The following PDE4D variants were observed in gnomAD, a reference collection of about 807,000 sequenced individuals.
The protein encoded by PDE4D is 3',5'-cyclic-AMP phosphodiesterase 4D.
A neutral mutation model predicts 87.4 loss-of-function variants in PDE4D; 24 were observed. The ratio of observed to expected loss-of-function variants is 0.27; its 90% confidence interval spans 0.20 to 0.39. The LOEUF (loss-of-function observed/expected upper bound fraction) is 0.39. Among genes scored for constraint, PDE4D ranks in the 10% least tolerant of loss-of-function variants. The probability of loss-of-function intolerance (pLI) is 1.00; values close to 1 mark genes in which losing one functional copy is unlikely to be tolerated. For synonymous variants in PDE4D, 384 were observed against 383.2 expected (o/e 1.00, Z -0.02); for missense variants, 714 against 1,041.0 (o/e 0.69, Z 4.32).
rs147068672 is a variant in PDE4D at position 59,104,362 on chromosome 5, G to GT, written c.809-65392dup. Among the ~76,000 whole-genome samples the GT allele has an allele frequency of 7.1e-3, 1,077 of 152,306 alleles. 14 individuals are homozygous for GT. Among genetic ancestry groups the GT allele is most frequent in the African/African-American group, 0.024 (1,009 of 41,572 alleles). ...AATTTACCAAAGTCACACAGTAAGC[G>GT]TTGGATAACCAAGGTCCATCTTACT... On this transcript the variant is annotated intron_variant, in intron 5 of 14. Transcript: ENST00000340635.
rs574039338 is a variant in PDE4D, at chr5:59,973,187, T to C, written c.272+15301A>G. ...ATAGATGAATTTGTATGAATGAAAT[T>C]GTAAATAAATAATAAATTTTAATGT... On this transcript the variant is annotated intron_variant, in intron 3 of 16. Transcript: ENST00000502484. 8.5e-5 allele frequency among the ~76,000 whole-genome samples: 13 copies of C among 152,346 alleles called. 3 individuals are homozygous for C. The highest frequency in any genetic ancestry group is 3.1e-4 in the African/African-American group (13 of 41,588).
chr5:60,378,198 A>T (rs543546856), intron 1 of PDE4D, among the ~76,000 whole-genome samples: 1 of 152,332 alleles, frequency 6.6e-6, no homozygotes, highest in Non-Finnish European at 1.5e-5. Context: ...TAAATTAATA[A>T]GAATATTTCA....
intron 1 of PDE4D, among the ~76,000 whole-genome samples, chr5:59,341,381 C>T (rs1778694119): frequency 6.6e-6 from 1 of 152,092 alleles, no homozygotes; most frequent in African/African-American, 2.4e-5. Flanking sequence ...TCAAATTACT[C>T]CCTGTCATGA....
intron 1 of PDE4D, among the ~76,000 whole-genome samples, chr5:60,487,008 T>C (rs1200410130): frequency 6.6e-6 from 1 of 152,172 alleles, no homozygotes; most frequent in Non-Finnish European, 1.5e-5. Context: ...CTAGGGGAAA[T>C]CAATAATGAT....
At chr5:59,441,562 T>C (rs1418079187) in intron 1 of PDE4D, among the ~76,000 whole-genome samples, 1 of 152,200 alleles carries the variant, frequency 6.6e-6, no homozygotes, top group Non-Finnish European at 1.5e-5. Flanking sequence ...TTGCTCCTTG[T>C]TGATTTCCTC....
chr5:59,405,783 T>C (rs1333595192), intron 1 of PDE4D, among the ~76,000 whole-genome samples: 1 of 152,218 alleles, frequency 6.6e-6, no homozygotes, highest in Non-Finnish European at 1.5e-5. Flanking sequence ...CCAGCATAAA[T>C]TGAAATGATC....
chr5:59,528,976 A>G lies in PDE4D; in HGVS notation c.456-313008T>C, dbSNP rs140692742. 916 of 455,042 alleles carry G rather than the reference A, an allele frequency of 2.0e-3. 25 individuals are homozygous for G. In the East Asian group the frequency reaches 0.048, roughly 24 times the overall value. 28.2% of individuals were successfully genotyped at this position (455,042 alleles called of 1,614,324 possible). A position where few individuals can be genotyped will look rare whatever the true frequency, so the allele number is the denominator to read the frequency against. ...GCAGATGCAAGCTGAACGGTTGGCC[A>G]TAAGAGCCCAGCTGAAACAAGAGTA... On this transcript the variant is annotated intron_variant, in intron 1 of 14. Transcript: ENST00000340635.
At chr5:59,402,707 A>G (rs1013855303) in intron 1 of PDE4D, among the ~76,000 whole-genome samples, 8 of 152,206 alleles carry the variant, frequency 5.3e-5, no homozygotes, top group Admixed American at 1.3e-4. Flanking sequence ...CACACCCCAA[A>G]TTGTATGCAC....
chr5:59,865,300 A>G (rs1746853474), intron 1 of PDE4D, among the ~76,000 whole-genome samples: 1 of 152,248 alleles, frequency 6.6e-6, no homozygotes, highest in Non-Finnish European at 1.5e-5. Context: ...CGAAAACTGT[A>G]TGAGTAACGA....
intron 1 of PDE4D, among the ~76,000 whole-genome samples, chr5:59,650,856 G>A (rs1743340434): frequency 6.6e-6 from 1 of 152,094 alleles, no homozygotes; most frequent in African/African-American, 2.4e-5. Flanking sequence ...GCTAAATAAA[G>A]AAGAAAAAAT....
At chr5:59,425,421 C>G (rs1795048372) in intron 1 of PDE4D, among the ~76,000 whole-genome samples, 1 of 151,962 alleles carries the variant, frequency 6.6e-6, no homozygotes, top group African/African-American at 2.4e-5. Flanking sequence ...ATTTAACATC[C>G]CTATTCTTTA....
intron 1 of PDE4D, among the ~76,000 whole-genome samples, chr5:60,259,911 T>C (rs1441389022): frequency 6.6e-6 from 1 of 151,888 alleles, no homozygotes; most frequent in Non-Finnish European, 1.5e-5. Flanking sequence ...ACTTCTGCTT[T>C]GCAGATGAGC....
chr5:59,638,202 T>G (rs1740924634), intron 1 of PDE4D, among the ~76,000 whole-genome samples: 1 of 152,170 alleles, frequency 6.6e-6, no homozygotes, highest in Non-Finnish European at 1.5e-5. Context: ...ATAATTAAGA[T>G]ATTTACTGAG....
chr5:60,011,013 G>A (rs999663640), intron 2 of PDE4D, among the ~76,000 whole-genome samples: 17 of 152,146 alleles, frequency 1.1e-4, no homozygotes, highest in Non-Finnish European at 2.2e-4. Context: ...AACCTGCACT[G>A]TTTCTCAGGA....
At chr5:60,058,037 A>C (rs1402205135) in intron 2 of PDE4D, among the ~76,000 whole-genome samples, 1 of 152,004 alleles carries the variant, frequency 6.6e-6, no homozygotes, top group Non-Finnish European at 1.5e-5. Context: ...TTTAAGTGTG[A>C]TAAATGGCAA....
intron 2 of PDE4D, among the ~76,000 whole-genome samples, chr5:60,081,534 A>G (rs1381183191): frequency 6.6e-6 from 1 of 152,164 alleles, no homozygotes; most frequent in Admixed American, 6.6e-5. Context: ...ATTTAGTGCT[A>G]TAAATTTCCC....
intron 1 of PDE4D, among the ~76,000 whole-genome samples, chr5:60,408,024 C>T (rs879818634): frequency 1.3e-5 from 2 of 152,034 alleles, no homozygotes; most frequent in Admixed American, 6.6e-5. Flanking sequence ...AGCTCCACAC[C>T]CAGTGTCTGA....
At chr5:59,617,333 G>GTTT (rs1829824808) in intron 1 of PDE4D, among the ~76,000 whole-genome samples, 4 of 152,002 alleles carry the variant, frequency 2.6e-5, no homozygotes, top group Non-Finnish European at 5.9e-5. Flanking sequence ...CTACAATGTG[G>GTTT]ACTCTAAAAT....
chr5:60,516,208 A>T (rs549553191), intron 1 of PDE4D, among the ~76,000 whole-genome samples: 2 of 152,388 alleles, frequency 1.3e-5, no homozygotes, highest in African/African-American at 4.8e-5. Context: ...GAGTGAGTTA[A>T]CTTGAGAAAA....
Sources: allele counts gnomAD v4.1 joint callset (sites outside exome capture counted in the v4.1 genomes callset), GRCh38; gene constraint gnomAD v4.1.1; transcripts MANE v1.5; gene names NCBI Gene and HGNC (gene_info 2026-07-23, HGNC 2026-07-21).